TERF1: variants seen among roughly 807,000 people sequenced by gnomAD.
TERF1 encodes telomeric repeat binding factor 1.
In TERF1, 20 loss-of-function variants were observed where a neutral mutation model predicts 55.1. That is an observed-to-expected ratio of 0.36 (90% CI 0.26 to 0.53). The LOEUF is 0.53. TERF1 is among the 20% of genes least tolerant of loss of function. The probability of loss-of-function intolerance (pLI) is 0.91; values close to 1 mark genes in which losing one functional copy is unlikely to be tolerated. For missense variants in TERF1, 439 were observed against 535.7 expected, an observed-to-expected ratio of 0.82 and a Z score of 1.78; for synonymous variants, 168 against 181.2, an observed-to-expected ratio of 0.93 and a Z score of 0.59.
In TERF1 at chr8:73,044,221, A is replaced by G. The variant is rs534580320; in HGVS notation, c.1144-1740A>G. Among the ~76,000 whole-genome samples the G allele has an allele frequency of 1.8e-4, 28 of 152,328 alleles. No homozygotes were observed. In the South Asian group the frequency reaches 5.8e-3, roughly 32 times the overall value. The stretch of plus-strand genomic sequence containing the variant: ...CTGTCAGCCTTTGTCTAGCGATTGA[A>G]TAGCCATGTACTTGTAAGCAGCACA... On this transcript the variant is annotated intron_variant, in intron 9 of 9. Coordinates refer to ENST00000276603, the MANE Select transcript of TERF1 (RefSeq NM_017489.3).
intron 7 of TERF1, 78 bp from the exon 8 acceptor site, chr8:73,031,964 A>T: frequency 2.0e-6 from 2 of 981,828 alleles, no homozygotes; most frequent in Non-Finnish European, 1.6e-6. Flanking sequence ...AGAACAGATT[A>T]AGGCAAATCA....
intron 8 of TERF1, among the ~76,000 whole-genome samples, chr8:73,033,840 A>G (rs557269969): frequency 6.6e-6 from 1 of 152,344 alleles, no homozygotes; most frequent in South Asian, 2.1e-4. Context: ...GGTGTCAGTA[A>G]TAAGTACGTT....
In TERF1 at chr8:73,009,157, C is replaced by G. The variant is rs1171106607; in HGVS notation, c.271C>G (p.Arg91Gly). ...FLCLSLCRAF[R>G]DGRSEDFRRT... ...CTGCCTCTCTCTTTGCCGAGCTTTCCGCGACGGCCGCTCCGAGGACTTCCG... is the reference window on the plus strand; with the variant it reads ...CTGCCTCTCTCTTTGCCGAGCTTTCGGCGACGGCCGCTCCGAGGACTTCCG... The change falls in exon 1 of 10, where the codon CGC becomes GGC. Residue 91 changes from arginine (R) to glycine (G), a missense_variant. Arg to Gly is a moderately radical substitution (Grantham distance 125). Coordinates refer to ENST00000276603, the MANE Select transcript of TERF1 (RefSeq NM_017489.3). 6.2e-7 allele frequency: 1 copy of G among 1,611,030 alleles called. No individual in the cohort carries two copies. The highest frequency in any genetic ancestry group is 8.5e-7 in the Non-Finnish European group (1 of 1,179,844).
rs966338125 is a variant in TERF1 at position 73,038,827 on chromosome 8, A to G, written c.1040-289A>G. 6.3e-6 allele frequency: 5 copies of G among 798,490 alleles called. No individual in the cohort carries two copies. In the Admixed American group the frequency reaches 2.3e-4, roughly 36 times the overall value. The allele number at this position is 798,490 out of a possible 1,614,324, so 49.5% of individuals were successfully genotyped here. ...AAATTTCAACGATCCTATGCAATAA[A>G]TATTTTTCCTTTTTTTTTAAACAGA... On this transcript the variant is annotated intron_variant, in intron 8 of 9. Coordinates refer to ENST00000276603, the MANE Select transcript of TERF1 (RefSeq NM_017489.3).
rs56385549 is a variant in TERF1 at position 73,017,858 on chromosome 8, A to G, written c.416-2826A>G. On this transcript the variant is annotated intron_variant, in intron 2 of 9. Transcript: ENST00000276603. ...GCTGGGACTACAGGCGTGCGCCACC[A>G]TGCCTGACTAATTTTTCTATTATTA... Among the ~76,000 whole-genome samples the G allele has an allele frequency of 1.1e-4, 17 of 152,090 alleles. No homozygotes were observed. In the East Asian group the frequency reaches 3.3e-3, roughly 29 times the overall value.
intron 2 of TERF1, among the ~76,000 whole-genome samples, chr8:73,014,676 T>G (rs995914591): frequency 4.6e-5 from 7 of 152,256 alleles, no homozygotes; most frequent in Admixed American, 1.3e-4. Context: ...ACAAAATACT[T>G]TTCCAACAAT....
chr8:73,031,467 C>CTA (rs1387347803), intron 7 of TERF1: 1 of 152,162 alleles, frequency 6.6e-6, no homozygotes, highest in Admixed American at 6.5e-5. Context: ...ATACAGCTGC[C>CTA]TAAGCTTAGG....
chr8:73,009,295 C>G (rs866788033), intron 1 of TERF1, 90 bp downstream of exon 1: 2 of 238,604 alleles, frequency 8.4e-6, no homozygotes, highest in Non-Finnish European at 1.2e-5. Context: ...CCTACGTCGC[C>G]GAGGGAGGGG....
intron 6 of TERF1, among the ~76,000 whole-genome samples, chr8:73,028,309 T>C (rs1809109438): frequency 6.6e-6 from 1 of 152,164 alleles, no homozygotes; most frequent in African/African-American, 2.4e-5. Flanking sequence ...CATTTGCCTC[T>C]CTACACCCTG....
chr8:73,010,257 G>C (rs1808230880), intron 1 of TERF1: 1 of 152,188 alleles, frequency 6.6e-6, no homozygotes, highest in African/African-American at 2.4e-5. Flanking sequence ...GGTACTGATA[G>C]GTTAAAAGGG....
intron 5 of TERF1, among the ~76,000 whole-genome samples, 178 bp downstream of exon 5, chr8:73,025,149 G>A (rs150979236): frequency 1.3e-5 from 2 of 152,130 alleles, no homozygotes; most frequent in Non-Finnish European, 2.9e-5. Flanking sequence ...TGAGTGATAT[G>A]TACTTTTGTA....
chr8:73,046,978 T>G lies in TERF1; in HGVS notation c.*841T>G, dbSNP rs1385013520. The G allele has an allele frequency of 6.6e-6, 1 of 152,052 alleles. No homozygotes were observed. The highest frequency in any genetic ancestry group is 2.4e-5 in the African/African-American group (1 of 41,398). The allele number at this position is 152,052 out of a possible 1,614,324, so 9.4% of individuals were successfully genotyped here. ...GTAGTTTCATGTAAAGAAAAAAACT[T>G]GAAAATAGTAATACCTGAGTACCCA... On this transcript the variant is annotated 3_prime_UTR_variant, in exon 10 of 10. Transcript: ENST00000276603.
chr8:73,037,801 T>C (rs1385686005), intron 8 of TERF1, among the ~76,000 whole-genome samples: 1 of 98,766 alleles, frequency 1.0e-5, no homozygotes, highest in Non-Finnish European at 1.8e-5. Context: ...TATAGTATAA[T>C]AATATATATA....
intron 7 of TERF1, chr8:73,030,922 G>A (rs572081909): frequency 2.0e-5 from 3 of 152,516 alleles, no homozygotes; most frequent in Admixed American, 1.3e-4. Flanking sequence ...TGTGGAGGAG[G>A]TGATTGGACA....
chr8:73,041,369 C>T (rs1031669440), intron 9 of TERF1, among the ~76,000 whole-genome samples: 3 of 152,054 alleles, frequency 2.0e-5, no homozygotes, highest in African/African-American at 7.2e-5. Context: ...TCTGAGGGAC[C>T]TCTTTCAACT....
intron 1 of TERF1, 62 bp from the exon 2 acceptor site, chr8:73,013,833 C>A: frequency 9.9e-7 from 1 of 1,005,154 alleles, no homozygotes; most frequent in Non-Finnish European, 1.5e-6. Context: ...CTCAACAAAC[C>A]ACACAGTGGC....
rs1294549196 is a variant in TERF1, at chr8:73,037,743, A to T, written c.1040-1373A>T. On this transcript the variant is annotated intron_variant, in intron 8 of 9. Transcript: ENST00000276603. ...ATATATATTATATAGTATGAAATAT[A>T]TATTATATATAATATTATATAGTAT... Among the ~76,000 whole-genome samples, 735 of 87,116 alleles carry T rather than the reference A, an allele frequency of 8.4e-3. 25 individuals are homozygous for T. The highest frequency in any genetic ancestry group is 0.034 in the African/African-American group (697 of 20,490). 57.2% of individuals were successfully genotyped at this position (87,116 alleles called of 152,430 possible).
intron 2 of TERF1, among the ~76,000 whole-genome samples, chr8:73,015,681 C>CA (rs71559599): frequency 0.55 from 82,078 of 150,378 alleles, 24,617 homozygotes; most frequent in Middle Eastern, 0.74. Flanking sequence ...ACTAAAAATA[C>CA]AAAAAAAAAT....
intron 7 of TERF1, chr8:73,031,779 C>T (rs55718401): frequency 3.8e-6 from 1 of 265,744 alleles, no homozygotes; most frequent in African/African-American, 2.2e-5. Flanking sequence ...CTTGTCTTTT[C>T]TTTTTTTTGC....
Sources: gnomAD v4.1 joint callset for allele counts (sites outside exome capture counted in the v4.1 genomes callset) on GRCh38, gnomAD v4.1.1 for gene constraint, MANE v1.5 for transcripts, NCBI Gene and HGNC (gene_info 2026-07-23, HGNC 2026-07-21) for gene names.